The following NALCN variants were observed in gnomAD, a reference collection of about 807,000 sequenced individuals.
NALCN encodes the protein sodium leak channel NALCN.
A neutral mutation model predicts 225.3 loss-of-function variants in NALCN; 111 were observed. The observed-to-expected ratio is 0.49, with a 90% confidence interval of 0.42 to 0.58. The LOEUF (loss-of-function observed/expected upper bound fraction) is 0.58. Among genes scored for constraint, NALCN ranks in the 20% least tolerant of loss-of-function variants. The pLI, the probability that NALCN is intolerant of heterozygous loss-of-function variation, is 0.00. For missense variants in NALCN, 1,378 were observed against 2,202.4 expected, an observed-to-expected ratio of 0.63 and a Z score of 7.49; for synonymous variants, 764 against 769.0, an observed-to-expected ratio of 0.99 and a Z score of 0.11.
intron 7 of NALCN, among the ~76,000 whole-genome samples, chr13:101,314,760 C>T (rs1346474881): frequency 6.6e-6 from 1 of 152,142 alleles, no homozygotes; most frequent in Non-Finnish European, 1.5e-5. Flanking sequence ...GGCTTTGATT[C>T]AGCCTTTAAG....
At chr13:101,370,236 C>T (rs1344075869) in intron 6 of NALCN, among the ~76,000 whole-genome samples, 1 of 152,074 alleles carries the variant, frequency 6.6e-6, no homozygotes, top group African/African-American at 2.4e-5. Flanking sequence ...GGATGTGAGT[C>T]CTGGTTGTGG....
At chr13:101,371,702 TA>T (rs2046544248) in intron 6 of NALCN, among the ~76,000 whole-genome samples, 2 of 152,134 alleles carry the variant, frequency 1.3e-5, no homozygotes, top group African/African-American at 2.4e-5. Flanking sequence ...TTCACCTATT[TA>T]AAAAACATAC....
At chr13:101,280,315 T>C (rs1383042267) in intron 10 of NALCN, among the ~76,000 whole-genome samples, 1 of 152,198 alleles carries the variant, frequency 6.6e-6, no homozygotes, top group African/African-American at 2.4e-5. Context: ...ATTCATAAGA[T>C]GTCATAAGCA....
Position 101,107,715 on chromosome 13 carries a change from C to T in NALCN, c.2439G>A (p.Glu813=). 2.5e-6 allele frequency: 4 copies of T among 1,613,850 alleles called. No homozygotes were observed. Among genetic ancestry groups the T allele is most frequent in the African/African-American group, 1.3e-5 (1 of 74,998 alleles). Residue 813 remains glutamate, a synonymous_variant, in exon 21 of 44, where the codon GAG becomes GAA. Transcript: ENST00000251127. ...SEIKMIQEKK[E]QAEMKRKVQE... Reference sequence around the variant, plus strand: ...ACCTGTACCTTTTCATCTCTGCTTGCTCCTTTTTTTCCTGAATCATCTTTA... The same window carrying T: ...ACCTGTACCTTTTCATCTCTGCTTGTTCCTTTTTTTCCTGAATCATCTTTA...
chr13:101,403,999 T>C lies in NALCN; in HGVS notation c.-39-4834A>G, dbSNP rs146758778. On this transcript the variant is annotated intron_variant, in intron 1 of 43. Transcript: ENST00000251127. The stretch of plus-strand genomic sequence containing the variant: ...TTGCATAATTGTTTTGTTTTTTGAC[T>C]ATCCTGACCATTTTGTTAAGTGACG... 3.2e-4 allele frequency among the ~76,000 whole-genome samples: 48 copies of C among 152,348 alleles called. No homozygotes were observed. In the East Asian group the frequency reaches 8.7e-3, roughly 28 times the overall value.
At chr13:101,398,919 CTCAGA>C in intron 2 of NALCN, 95 bp downstream of exon 2, 4 of 717,344 alleles carry the variant, frequency 5.6e-6, no homozygotes, top group Non-Finnish European at 9.9e-6. Context: ...TCTACTGCAG[CTCAGA>C]TATTTCGAAG....
intron 6 of NALCN, among the ~76,000 whole-genome samples, chr13:101,367,767 A>G (rs2046417543): frequency 1.3e-5 from 2 of 152,110 alleles, no homozygotes; most frequent in South Asian, 4.1e-4. Context: ...ATAGATGTGA[A>G]AAATCATCTT....
intron 10 of NALCN, among the ~76,000 whole-genome samples, chr13:101,259,629 T>C (rs475715): frequency 0.88 from 133,521 of 151,044 alleles, 61,151 homozygotes; most frequent in Non-Finnish European, 0.99. Context: ...CCACCATGCC[T>C]GGCCATAATG....
intron 7 of NALCN, among the ~76,000 whole-genome samples, chr13:101,305,110 C>T (rs540321920): frequency 7.9e-5 from 12 of 152,180 alleles, no homozygotes; most frequent in African/African-American, 9.6e-5. Flanking sequence ...TGACAAAATC[C>T]GGCATTATAT....
At chr13:101,148,816 T>C (rs2037486578) in intron 15 of NALCN, among the ~76,000 whole-genome samples, 1 of 152,302 alleles carries the variant, frequency 6.6e-6, no homozygotes, top group East Asian at 1.9e-4. Flanking sequence ...AGATTTTAGA[T>C]ATATCCTGAA....
chr13:101,192,007 G>A lies in NALCN; in HGVS notation c.1674C>T (p.Asp558=), dbSNP rs746623843. ...CAGCATTTAGAGTTTGGTCCATTAC[G>A]TCCACCCATCCTTCCTGGGTGAGGA... ...FQILTQEGWV[D]VMDQTLNAVG... Residue 558 remains aspartate, a synonymous_variant, in exon 14 of 44, where the codon GAC becomes GAT. Transcript: ENST00000251127. The A allele has an allele frequency of 8.1e-6, 13 of 1,596,506 alleles. No homozygotes were observed. The highest frequency in any genetic ancestry group is 1.1e-5 in the South Asian group (1 of 87,858).
intron 15 of NALCN, among the ~76,000 whole-genome samples, chr13:101,154,592 T>A (rs748450961): frequency 1.4e-4 from 22 of 152,194 alleles, no homozygotes; most frequent in Admixed American, 6.5e-5. Flanking sequence ...CCTACTAGCA[T>A]GATGCATTTT....
At chr13:101,156,027 A>C (rs1034660756) in intron 15 of NALCN, among the ~76,000 whole-genome samples, 1 of 152,016 alleles carries the variant, frequency 6.6e-6, no homozygotes, top group Non-Finnish European at 1.5e-5. Context: ...TATCTGTATA[A>C]ATATGTATTT....
At chr13:101,192,424 G>T (rs931254751) in intron 13 of NALCN, among the ~76,000 whole-genome samples, 7 of 152,050 alleles carry the variant, frequency 4.6e-5, no homozygotes, top group African/African-American at 1.7e-4. Flanking sequence ...GCTGCTAAGA[G>T]AAACTTATTT....
chr13:101,211,617 G>GT (rs1228098120), intron 13 of NALCN, among the ~76,000 whole-genome samples: 33 of 146,520 alleles, frequency 2.3e-4, no homozygotes, highest in Admixed American at 8.1e-4. Context: ...TAATTTTACA[G>GT]TTTTTTTTGG....
intron 42 of NALCN, 123 bp downstream of exon 42, chr13:101,059,695 T>A: frequency 3.8e-6 from 3 of 798,756 alleles, no homozygotes; most frequent in Non-Finnish European, 5.4e-6. Context: ...TTAATGAAAA[T>A]ATTCCTATTA....
intron 11 of NALCN, among the ~76,000 whole-genome samples, chr13:101,251,497 T>A (rs2042061597): frequency 6.6e-6 from 1 of 152,172 alleles, no homozygotes; most frequent in African/African-American, 2.4e-5. Context: ...GAAAAACTAT[T>A]AATTTTTTAA....
intron 7 of NALCN, among the ~76,000 whole-genome samples, chr13:101,305,328 ATAGTTG>A (rs1201060136): frequency 6.6e-6 from 1 of 152,188 alleles, no homozygotes; most frequent in African/African-American, 2.4e-5. Flanking sequence ...ATCTCCTATG[ATAGTTG>A]TGTTTCGTAA....
At chr13:101,349,685 T>C (rs1023488446) in intron 6 of NALCN, among the ~76,000 whole-genome samples, 1 of 152,206 alleles carries the variant, frequency 6.6e-6, no homozygotes, top group Non-Finnish European at 1.5e-5. Context: ...CATGAGCTGC[T>C]CTGAGCTCTG....
Sources: allele counts gnomAD v4.1 joint callset (sites outside exome capture counted in the v4.1 genomes callset), GRCh38; gene constraint gnomAD v4.1.1; transcripts MANE v1.5; gene names NCBI Gene and HGNC (gene_info 2026-07-23, HGNC 2026-07-21).